The following CAMTA1 variants were observed in gnomAD, a reference collection of about 807,000 sequenced individuals.
CAMTA1 encodes calmodulin-binding transcription activator 1.
A neutral mutation model predicts 170.9 loss-of-function variants in CAMTA1; 27 were observed. That is an observed-to-expected ratio of 0.16 (90% CI 0.12 to 0.22). The LOEUF is 0.22. Among genes scored for constraint, CAMTA1 ranks in the 10% least tolerant of loss-of-function variants. The pLI is 1.00. For missense variants in CAMTA1, 1,619 were observed against 2,217.2 expected, an observed-to-expected ratio of 0.73 and a Z score of 5.42; for synonymous variants, 833 against 891.5, an observed-to-expected ratio of 0.93 and a Z score of 1.17.
Position 7,738,167 on chromosome 1 carries a change from C to T in CAMTA1, c.3867C>T (p.Pro1289=). Residue 1289 remains proline (P), a synonymous_variant, in exon 16 of 23, where the codon CCC becomes CCT. Coordinates refer to ENST00000303635, the MANE Select transcript of CAMTA1 (RefSeq NM_015215.4). This position sits in a 1 kb window ranked among gnomAD's most constrained non-coding sequence, Gnocchi z 4.9. ...SKQSVPETLS[P]SEGVRDFSRE... ...AGTCTGTCCCCGAGACACTCAGCCC[C>T]AGTGAAGGAGTGAGGGACTTCAGCC... The T allele has an allele frequency of 6.2e-7, 1 of 1,614,096 alleles. No homozygotes were observed.
At chr1:7,112,671 C>T (rs145131252) in intron 4 of CAMTA1, among the ~76,000 whole-genome samples, 5 of 152,338 alleles carry the variant, frequency 3.3e-5, no homozygotes, top group African/African-American at 1.2e-4. Flanking sequence ...CATTCTGGGG[C>T]CAGCAGCCTC....
intron 5 of CAMTA1, among the ~76,000 whole-genome samples, chr1:7,422,652 G>C (rs2091640298): frequency 6.6e-6 from 1 of 152,210 alleles, no homozygotes; most frequent in African/African-American, 2.4e-5. Flanking sequence ...AGGTCAGAGA[G>C]GTTAAGACCA....
rs369612481 is a variant in CAMTA1, at chr1:7,685,792, C to T, written c.2914+8059C>T. On this transcript the variant is annotated intron_variant, in intron 11 of 22. Coordinates refer to ENST00000303635, the MANE Select transcript of CAMTA1 (RefSeq NM_015215.4). The surrounding 1 kb of genome is among the most constrained non-coding windows in gnomAD (Gnocchi z 5.7). ...CTAACGGCCTACAGGGCAGCTTGAC[C>T]CACGTTTCTCTTGGGCAAGCCAGTA... 2.0e-5 allele frequency among the ~76,000 whole-genome samples: 3 copies of T among 152,130 alleles called. No individual in the cohort carries two copies. The highest frequency in any genetic ancestry group is 7.2e-5 in the African/African-American group (3 of 41,400).
At chr1:7,710,991 T>C (rs1027373794) in intron 11 of CAMTA1, among the ~76,000 whole-genome samples, 2 of 152,162 alleles carry the variant, frequency 1.3e-5, no homozygotes, top group Non-Finnish European at 2.9e-5. Flanking sequence ...GAGCCAAGAA[T>C]TGGGCTCTGC....
At chr1:7,421,666 C>T (rs1012607500) in intron 5 of CAMTA1, among the ~76,000 whole-genome samples, 1 of 152,160 alleles carries the variant, frequency 6.6e-6, no homozygotes, top group Non-Finnish European at 1.5e-5. Flanking sequence ...ATCAGAATGG[C>T]ACCTGGCACG....
intron 1 of CAMTA1, among the ~76,000 whole-genome samples, chr1:6,813,930 C>T (rs1645482100): frequency 6.6e-6 from 1 of 152,130 alleles, no homozygotes; most frequent in African/African-American, 2.4e-5. Flanking sequence ...CCACCATCAC[C>T]AGGACGAGAG....
intron 22 of CAMTA1, among the ~76,000 whole-genome samples, chr1:7,766,083 A>G (rs1011631506): frequency 7.9e-5 from 12 of 152,082 alleles, no homozygotes; most frequent in Non-Finnish European, 1.5e-4. Context: ...AATTTACATC[A>G]TACAGAGTGA....
At chr1:7,061,907 G>C (rs1288374904) in intron 3 of CAMTA1, among the ~76,000 whole-genome samples, 1 of 152,030 alleles carries the variant, frequency 6.6e-6, no homozygotes, top group Non-Finnish European at 1.5e-5. Context: ...CGGTGTATGA[G>C]GTCCTATTAT....
Position 7,661,479 on chromosome 1 carries a change from C to T in CAMTA1, c.665-247C>T, listed in dbSNP as rs72867197. Among the ~76,000 whole-genome samples the T allele has an allele frequency of 3.2e-3, 487 of 152,330 alleles. 4 individuals carry two copies. The highest frequency in any genetic ancestry group is 0.011 in the African/African-American group (474 of 41,566). ...AAGCAGAACTCTATGCGGTCCACTC[C>T]CTGGGCTGCACCATAGTGAGGGGGA... On this transcript the variant is annotated intron_variant, in intron 7 of 22. Transcript: ENST00000303635.
intron 3 of CAMTA1, among the ~76,000 whole-genome samples, chr1:6,926,541 TTTCC>T (rs538159657): frequency 0.072 from 10,016 of 140,046 alleles, 706 homozygotes; most frequent in Admixed American, 0.21. Flanking sequence ...TCTCTCTTTC[TTTCC>T]TTCCTTCCTT....
chr1:7,660,820 G>A (rs75408816), intron 7 of CAMTA1, among the ~76,000 whole-genome samples: 3,923 of 152,314 alleles, frequency 0.026, 68 homozygotes, highest in South Asian at 0.063. Context: ...ACCAGCTCCA[G>A]CCCCAAAGCT....
intron 6 of CAMTA1, among the ~76,000 whole-genome samples, chr1:7,600,087 T>C (rs2095428593): frequency 2.0e-5 from 3 of 152,220 alleles, no homozygotes; most frequent in African/African-American, 7.2e-5. Flanking sequence ...TTGTCATAGA[T>C]AGCTCTTATG....
intron 5 of CAMTA1, among the ~76,000 whole-genome samples, chr1:7,312,733 C>T (rs188535433): frequency 3.3e-5 from 5 of 152,138 alleles, no homozygotes; most frequent in Non-Finnish European, 5.9e-5. Context: ...TCCAAAAGGG[C>T]CTTCTTTTCT....
At position 6,887,133 on chromosome 1, in the gene CAMTA1, A is replaced by G. The variant is rs1673462008; in HGVS notation, c.234+61923A>G. ...TATCAATATGTACTTAGATATGTTA[A>G]TCTGAATTAGGGAGTTGATTGTACA... On this transcript the variant is annotated intron_variant, in intron 3 of 22. Coordinates refer to ENST00000303635, the MANE Select transcript of CAMTA1 (RefSeq NM_015215.4). This position sits in a 1 kb window ranked among gnomAD's most constrained non-coding sequence, Gnocchi z 4.1. 6.6e-6 allele frequency among the ~76,000 whole-genome samples: 1 copy of G among 152,134 alleles called. No individual in the cohort carries two copies. The highest frequency in any genetic ancestry group is 1.5e-5 in the Non-Finnish European group (1 of 68,010).
intron 3 of CAMTA1, among the ~76,000 whole-genome samples, chr1:7,079,435 C>T (rs1036291048): frequency 6.6e-6 from 1 of 152,110 alleles, no homozygotes; most frequent in African/African-American, 2.4e-5. Context: ...GAATGGCACA[C>T]ACAGTATGAT....
chr1:6,986,255 G>A (rs545864661), intron 3 of CAMTA1, among the ~76,000 whole-genome samples: 9 of 152,206 alleles, frequency 5.9e-5, no homozygotes, highest in Non-Finnish European at 1.0e-4. Context: ...TAAGTGGGGC[G>A]AGGCAGCTCT....
intron 3 of CAMTA1, among the ~76,000 whole-genome samples, chr1:6,826,394 T>C (rs1647110031): frequency 1.3e-5 from 2 of 152,250 alleles, no homozygotes; most frequent in African/African-American, 2.4e-5. Flanking sequence ...GCCTGCTGTT[T>C]AACCAGTTAT....
rs144942792 is a variant in CAMTA1 at position 7,492,995 on chromosome 1, G to A, written c.510+25094G>A. Among the ~76,000 whole-genome samples the A allele has an allele frequency of 1.1e-3, 139 of 124,760 alleles. 1 individual carries two copies. Among genetic ancestry groups the A allele is most frequent in the African/African-American group, 4.1e-3 (133 of 32,204 alleles). The allele number at this position is 124,760 out of a possible 152,430, so 81.8% of individuals were successfully genotyped here. A position where few individuals can be genotyped will look rare whatever the true frequency, so the allele number is the denominator to read the frequency against. On this transcript the variant is annotated intron_variant, in intron 6 of 22. Transcript: ENST00000303635. ...CGCTCAAACACAAACATACAAACGC[G>A]CACACAAACACAAACCTACAAACAC...
In CAMTA1 at chr1:7,658,638, TA is replaced by T. The variant is rs551272196; in HGVS notation, c.665-3086del. Among the ~76,000 whole-genome samples the T allele has an allele frequency of 5.4e-3, 821 of 152,320 alleles. 10 individuals carry two copies. The highest frequency in any genetic ancestry group is 0.019 in the African/African-American group (787 of 41,560). On this transcript the variant is annotated intron_variant, in intron 7 of 22. Coordinates refer to ENST00000303635, the MANE Select transcript of CAMTA1 (RefSeq NM_015215.4). ...TGTAAAATGAGTCTGGAAATGTCTG[TA>T]AGCCAAGGAGTGCCCTGGGCATAGG...
Sources: gnomAD v4.1 joint callset for allele counts (sites outside exome capture counted in the v4.1 genomes callset) on GRCh38, gnomAD v4.1.1 for gene constraint, Gnocchi (gnomAD v3.1) non-coding constraint, MANE v1.5 for transcripts, NCBI Gene and HGNC (gene_info 2026-07-23, HGNC 2026-07-21) for gene names.